The following LPAR1 variants were observed in gnomAD, a reference collection of about 807,000 sequenced individuals.
LPAR1 encodes LPA receptor 1.
Under a neutral mutation model 23.8 loss-of-function variants are expected in LPAR1, and 5 were observed. The ratio of observed to expected loss-of-function variants is 0.21; its 90% CI spans 0.11 to 0.44. LPAR1 has a LOEUF of 0.44. Ranked by LOEUF, LPAR1 falls within the 20% of genes least tolerant of loss-of-function variation. The probability of loss-of-function intolerance (pLI) is 0.99; values close to 1 mark genes in which losing one functional copy is unlikely to be tolerated. For synonymous variants in LPAR1, 160 were observed against 164.7 expected (o/e 0.97, Z 0.22); for missense variants, 311 against 482.8 (o/e 0.64, Z 3.33).
At chr9:110,894,453 C>T (rs886212393) in intron 5 of LPAR1, among the ~76,000 whole-genome samples, 2 of 152,208 alleles carry the variant, frequency 1.3e-5, no homozygotes, top group Non-Finnish European at 2.9e-5. Context: ...CACAGGGCCA[C>T]CTAATGGGTT....
intron 2 of LPAR1, among the ~76,000 whole-genome samples, chr9:111,032,849 A>C (rs1467726658): frequency 6.6e-6 from 1 of 152,218 alleles, no homozygotes; most frequent in Non-Finnish European, 1.5e-5. Flanking sequence ...ATAATGAACA[A>C]AATTTCCTTC....
intron 2 of LPAR1, among the ~76,000 whole-genome samples, chr9:111,007,646 G>A (rs1276126220): frequency 6.6e-6 from 1 of 151,984 alleles, no homozygotes; most frequent in African/African-American, 2.4e-5. Context: ...CTGCACTTTC[G>A]AGCACTGTGA....
chr9:110,938,996 C>G (rs1005470263), intron 5 of LPAR1, among the ~76,000 whole-genome samples: 1 of 152,208 alleles, frequency 6.6e-6, no homozygotes, highest in Non-Finnish European at 1.5e-5. Context: ...TGGCTGTACA[C>G]TGTTACGCTA....
chr9:110,979,372 T>C (rs78877549), intron 2 of LPAR1, among the ~76,000 whole-genome samples: 2,005 of 150,920 alleles, frequency 0.013, 45 homozygotes, highest in African/African-American at 0.046. Flanking sequence ...GCAGGTCTAA[T>C]AGCCAAATAG....
At chr9:111,031,712 G>A (rs926356509) in intron 2 of LPAR1, among the ~76,000 whole-genome samples, 1 of 152,164 alleles carries the variant, frequency 6.6e-6, no homozygotes, top group Non-Finnish European at 1.5e-5. Flanking sequence ...TAAGAATAGG[G>A]AAAATGAGAT....
chr9:110,971,953 C>A (rs912908992), intron 4 of LPAR1, 120 bp downstream of exon 4: 1 of 860,746 alleles, frequency 1.2e-6, no homozygotes. Flanking sequence ...CGAATACACA[C>A]CAAATGATAG....
intron 5 of LPAR1, among the ~76,000 whole-genome samples, chr9:110,911,495 C>A (rs936516593): frequency 6.6e-6 from 1 of 151,930 alleles, no homozygotes; most frequent in African/African-American, 2.4e-5. Flanking sequence ...TGCACCAAGA[C>A]TGTGCCACTG....
chr9:110,892,617 T>A (rs1425622074), intron 5 of LPAR1, among the ~76,000 whole-genome samples: 1 of 145,660 alleles, frequency 6.9e-6, no homozygotes, highest in Non-Finnish European at 1.5e-5. Context: ...TCAGCTGAGA[T>A]CATGCCACTG....
chr9:111,038,507 A>AG (rs2097944045), upstream of LPAR1: 1 of 413,776 alleles, frequency 2.4e-6, no homozygotes, highest in Non-Finnish European at 4.9e-6. This position sits in a 1 kb window ranked among gnomAD's most constrained non-coding sequence, Gnocchi z 4.4. Flanking sequence ...GAGGGGGCGC[A>AG]GAGGGAGGGC....
chr9:110,962,179 A>G (rs1183536392), intron 4 of LPAR1, among the ~76,000 whole-genome samples: 1 of 152,028 alleles, frequency 6.6e-6, no homozygotes, highest in Admixed American at 6.6e-5. Flanking sequence ...TATCTTACAT[A>G]AGTGGGATCT....
chr9:111,020,121 T>C (rs954796754), intron 2 of LPAR1, among the ~76,000 whole-genome samples: 3 of 152,146 alleles, frequency 2.0e-5, no homozygotes, highest in African/African-American at 7.2e-5. Flanking sequence ...ATCCTAATTA[T>C]CTCCTAAAAG....
intron 2 of LPAR1, among the ~76,000 whole-genome samples, chr9:110,997,665 A>G (rs2097044014): frequency 6.6e-6 from 1 of 152,196 alleles, no homozygotes; most frequent in African/African-American, 2.4e-5. Flanking sequence ...AGTCTCCTTA[A>G]TTCTGAAGCG....
chr9:110,999,481 G>A (rs1353658589), intron 2 of LPAR1: 2 of 455,194 alleles, frequency 4.4e-6, no homozygotes, highest in South Asian at 1.6e-5. Context: ...CAACCAGACA[G>A]CTATCCACTT....
chr9:110,967,543 A>AT (rs1318428617), intron 4 of LPAR1, among the ~76,000 whole-genome samples: 8 of 152,180 alleles, frequency 5.3e-5, no homozygotes, highest in Admixed American at 6.5e-5. Context: ...TTAGAAAAGG[A>AT]TTTTCAGGCC....
intron 5 of LPAR1, among the ~76,000 whole-genome samples, chr9:110,906,881 A>G (rs2134137807): frequency 6.7e-6 from 1 of 148,380 alleles, no homozygotes; most frequent in East Asian, 1.9e-4. Flanking sequence ...TTGAAGGCCA[A>G]CTTAAGGATG....
chr9:111,017,053 T>C (rs2097462720), intron 2 of LPAR1, among the ~76,000 whole-genome samples: 1 of 152,080 alleles, frequency 6.6e-6, no homozygotes, highest in Admixed American at 6.6e-5. Context: ...ACATGAAGAG[T>C]TGTCCCCCCT....
At chr9:111,008,362 T>C (rs1268763787) in intron 2 of LPAR1, among the ~76,000 whole-genome samples, 1 of 152,014 alleles carries the variant, frequency 6.6e-6, no homozygotes, top group East Asian at 1.9e-4. Context: ...TCCACCTCTG[T>C]AAATGTTTAC....
chr9:111,008,192 T>G (rs971121943), intron 2 of LPAR1, among the ~76,000 whole-genome samples: 1 of 152,030 alleles, frequency 6.6e-6, no homozygotes, highest in African/African-American at 2.4e-5. Flanking sequence ...AAAATCTTAT[T>G]AATAACAATA....
At chr9:110,975,765 C>A (rs1343180242) in intron 2 of LPAR1, among the ~76,000 whole-genome samples, 2 of 152,084 alleles carry the variant, frequency 1.3e-5, no homozygotes, top group Non-Finnish European at 2.9e-5. Context: ...CCTTGAGATG[C>A]CTAATAAACA....
Sources: allele counts gnomAD v4.1 joint callset (sites outside exome capture counted in the v4.1 genomes callset), GRCh38; gene constraint gnomAD v4.1.1; non-coding constraint Gnocchi (gnomAD v3.1); transcripts MANE v1.5; gene names NCBI Gene and HGNC (gene_info 2026-07-23, HGNC 2026-07-21).